CNTLN: variants seen among roughly 807,000 people sequenced by gnomAD.
CNTLN encodes centlein, centrosomal protein.
A neutral mutation model predicts 180.0 loss-of-function variants in CNTLN; 212 were observed. The observed-to-expected ratio is 1.18, with a 90% CI of 1.05 to 1.32. CNTLN has a LOEUF of 1.32. Among genes scored for constraint, CNTLN ranks in the 40% most tolerant of loss-of-function variants. The probability of loss-of-function intolerance (pLI) is 0.00; values close to 1 mark genes in which losing one functional copy is unlikely to be tolerated. For missense variants in CNTLN, 2,095 were observed against 1,610.9 expected (o/e 1.30, Z -5.14); for synonymous variants, 722 against 563.1 (o/e 1.28, Z -3.99).
intron 18 of CNTLN, among the ~76,000 whole-genome samples, chr9:17,455,303 T>C (rs571975413): frequency 6.7e-4 from 102 of 152,324 alleles, no homozygotes; most frequent in Non-Finnish European, 1.3e-3. Flanking sequence ...TTCAAGATTG[T>C]AGATTTTAAA....
At chr9:17,405,949 A>G (rs1424849333) in intron 15 of CNTLN, among the ~76,000 whole-genome samples, 1 of 151,526 alleles carries the variant, frequency 6.6e-6, no homozygotes, top group Non-Finnish European at 1.5e-5. Flanking sequence ...CTAATTTTGT[A>G]TTTTTAGTAG....
At chr9:17,322,379 TTATCA>T (rs1173372339) in intron 8 of CNTLN, among the ~76,000 whole-genome samples, 1 of 152,134 alleles carries the variant, frequency 6.6e-6, no homozygotes, top group Non-Finnish European at 1.5e-5. Context: ...TTTGAACTTG[TTATCA>T]TTCAACTCCA....
At chr9:17,436,583 G>A (rs1354048219) in intron 18 of CNTLN, among the ~76,000 whole-genome samples, 1 of 152,116 alleles carries the variant, frequency 6.6e-6, no homozygotes, top group African/African-American at 2.4e-5. Flanking sequence ...GAGACCTTTA[G>A]CAACCCTTTA....
At chr9:17,316,048 T>C (rs1428953685) in intron 8 of CNTLN, among the ~76,000 whole-genome samples, 1 of 152,028 alleles carries the variant, frequency 6.6e-6, no homozygotes, top group Non-Finnish European at 1.5e-5. Context: ...TTTTTCCCCA[T>C]CATTATTGTT....
intron 8 of CNTLN, among the ~76,000 whole-genome samples, chr9:17,310,858 C>G (rs1819083278): frequency 6.6e-6 from 1 of 151,996 alleles, no homozygotes; most frequent in African/African-American, 2.4e-5. Context: ...CTGTTTATGT[C>G]TTTTTTGTTC....
chr9:17,420,046 C>G (rs1380935966), intron 18 of CNTLN, among the ~76,000 whole-genome samples: 1 of 152,088 alleles, frequency 6.6e-6, no homozygotes, highest in East Asian at 1.9e-4. Context: ...TCCTGAGTAG[C>G]TGGGACTATA....
intron 23 of CNTLN, among the ~76,000 whole-genome samples, chr9:17,478,039 T>TA (rs1460968783): frequency 6.6e-6 from 1 of 152,238 alleles, no homozygotes; most frequent in Non-Finnish European, 1.5e-5. Context: ...TGTCAGCAGT[T>TA]ATCAACCTTG....
At chr9:17,143,623 C>T (rs927180814) in intron 2 of CNTLN, among the ~76,000 whole-genome samples, 1 of 152,100 alleles carries the variant, frequency 6.6e-6, no homozygotes, top group African/African-American at 2.4e-5. Context: ...AAAACTATGT[C>T]TTAAATACTG....
At chr9:17,418,898 T>A (rs1424810162) in intron 18 of CNTLN, among the ~76,000 whole-genome samples, 2 of 152,034 alleles carry the variant, frequency 1.3e-5, no homozygotes, top group Non-Finnish European at 2.9e-5. Flanking sequence ...CGTTAAGAGG[T>A]TGATAAGAGG....
downstream of CNTLN, among the ~76,000 whole-genome samples, chr9:17,508,823 G>A (rs1588130971): frequency 6.6e-6 from 1 of 152,240 alleles, no homozygotes; most frequent in African/African-American, 2.4e-5. Context: ...CCCGTCAAAG[G>A]ACACGTGCAA....
chr9:17,394,928 T>C lies in CNTLN; in HGVS notation c.2474T>C (p.Met825Thr). The change falls in exon 15 of 26, where the codon ATG becomes ACG. Residue 825 changes from methionine to threonine, a missense_variant. Transcript: ENST00000380647. ...GGACGATATGATTGTAAGACAACTA[T>C]GACCAAGGTTAAATTTAAAGCTGCG... is the stretch of plus-strand genomic sequence containing the variant. ...RSGRYDCKTT[M>T]TKVKFKAAKK... 1 of 1,614,084 alleles carries C rather than the reference T, an allele frequency of 6.2e-7. No individual in the cohort carries two copies. The highest frequency in any genetic ancestry group is 8.5e-7 in the Non-Finnish European group (1 of 1,179,960).
chr9:17,328,745 AACAC>A (rs1820460479), intron 8 of CNTLN, among the ~76,000 whole-genome samples: 1 of 152,144 alleles, frequency 6.6e-6, no homozygotes, highest in Admixed American at 6.5e-5. Flanking sequence ...ATTACTTTAA[AACAC>A]ATATTTATTT....
At chr9:17,490,037 G>A (rs1564148523) in intron 25 of CNTLN, among the ~76,000 whole-genome samples, 1 of 152,130 alleles carries the variant, frequency 6.6e-6, no homozygotes, top group African/African-American at 2.4e-5. Flanking sequence ...ATTAAAGCAG[G>A]ATGGGAGAAA....
chr9:17,381,021 GTCT>G (rs1242743516), intron 13 of CNTLN, among the ~76,000 whole-genome samples: 3 of 152,220 alleles, frequency 2.0e-5, no homozygotes, highest in Non-Finnish European at 4.4e-5. Flanking sequence ...GCTAAAGCAA[GTCT>G]TCTTATTAAA....
At chr9:17,135,937 GT>G (rs1817684584) in intron 1 of CNTLN, among the ~76,000 whole-genome samples, 2 of 152,202 alleles carry the variant, frequency 1.3e-5, no homozygotes, top group Admixed American at 1.3e-4. Context: ...CGTTTAGAAA[GT>G]CTCAGAGCCG....
chr9:17,295,887 G>A (rs1003786845), intron 6 of CNTLN, among the ~76,000 whole-genome samples: 4 of 151,802 alleles, frequency 2.6e-5, no homozygotes, highest in Non-Finnish European at 5.9e-5. Flanking sequence ...CCATGAGGTG[G>A]TAGAGAAAAA....
chr9:17,297,786 A>G (rs1026437826), intron 6 of CNTLN, among the ~76,000 whole-genome samples: 1 of 152,194 alleles, frequency 6.6e-6, no homozygotes, highest in East Asian at 1.9e-4. Flanking sequence ...TTTTTAATAT[A>G]TTTAAAGTTC....
chr9:17,362,895 C>A (rs1823516796), intron 12 of CNTLN, among the ~76,000 whole-genome samples: 1 of 152,076 alleles, frequency 6.6e-6, no homozygotes, highest in Non-Finnish European at 1.5e-5. Flanking sequence ...CCTAGTCCCC[C>A]ATACCCCAAC....
intron 15 of CNTLN, among the ~76,000 whole-genome samples, chr9:17,404,613 A>T (rs1369690860): frequency 6.6e-6 from 1 of 151,530 alleles, no homozygotes; most frequent in African/African-American, 2.4e-5. Flanking sequence ...TTCATTATAC[A>T]CCTGTTAGTA....
Sources: allele counts gnomAD v4.1 joint callset (sites outside exome capture counted in the v4.1 genomes callset), GRCh38; gene constraint gnomAD v4.1.1; transcripts MANE v1.5; gene names NCBI Gene and HGNC (gene_info 2026-07-23, HGNC 2026-07-21).